The following WWOX variants were observed in gnomAD, a reference collection of about 807,000 sequenced individuals.
WWOX encodes the protein WW domain containing oxidoreductase.
WWOX carries 69 observed loss-of-function variants against 46.2 expected under a neutral mutation model. The ratio of observed to expected loss-of-function variants is 1.49; its 90% CI spans 1.23 to 1.82. The LOEUF (loss-of-function observed/expected upper bound fraction) is 1.82. WWOX is among the 40% of genes most tolerant of loss of function. WWOX has a pLI of 0.00. For missense variants in WWOX, 919 were observed against 542.6 expected, an observed-to-expected ratio of 1.69 and a Z score of -6.89; for synonymous variants, 359 against 202.6, an observed-to-expected ratio of 1.77 and a Z score of -6.56.
chr16:78,985,033 C>A (rs760079488), intron 8 of WWOX, among the ~76,000 whole-genome samples: 16 of 152,076 alleles, frequency 1.1e-4, no homozygotes, highest in Admixed American at 3.9e-4. Flanking sequence ...TTGCTGAGTC[C>A]CTTGCCCCCT....
At chr16:78,428,332 G>A (rs1398877944) in intron 7 of WWOX, among the ~76,000 whole-genome samples, 1 of 152,186 alleles carries the variant, frequency 6.6e-6, no homozygotes, top group African/African-American at 2.4e-5. Context: ...TTTTCAGGAA[G>A]CCGTTTCTGG....
chr16:78,978,062 C>T (rs975894701), intron 8 of WWOX, among the ~76,000 whole-genome samples: 1 of 152,234 alleles, frequency 6.6e-6, no homozygotes, highest in Non-Finnish European at 1.5e-5. Flanking sequence ...CCCTACCATT[C>T]TACCTTCTGT....
chr16:79,156,927 A>G (rs916535056), intron 8 of WWOX, among the ~76,000 whole-genome samples: 2 of 152,204 alleles, frequency 1.3e-5, no homozygotes, highest in African/African-American at 4.8e-5. Context: ...TAGATTTACA[A>G]TATGTGAATT....
At chr16:78,499,550 A>G (rs1455028945) in intron 8 of WWOX, among the ~76,000 whole-genome samples, 1 of 152,218 alleles carries the variant, frequency 6.6e-6, no homozygotes, top group Non-Finnish European at 1.5e-5. Context: ...TTGAGTCCAC[A>G]ATGCCGGGCG....
intron 8 of WWOX, among the ~76,000 whole-genome samples, chr16:78,509,437 T>TC (rs1555551732): frequency 1.8e-5 from 1 of 56,212 alleles, no homozygotes; most frequent in Non-Finnish European, 6.0e-5. Context: ...AGACTCAGTC[T>TC]CAAAAAAAAA....
intron 8 of WWOX, among the ~76,000 whole-genome samples, chr16:78,736,487 C>T (rs62036144): frequency 0.15 from 22,742 of 152,196 alleles, 2,074 homozygotes; most frequent in African/African-American, 0.25. Context: ...GTTGGTGTCT[C>T]AAAGTCTCAC....
chr16:79,093,122 A>C lies in WWOX; in HGVS notation c.1057-118486A>C, dbSNP rs187803299. On this transcript the variant is annotated intron_variant, in intron 8 of 8. Coordinates refer to ENST00000566780, the MANE Select transcript of WWOX (RefSeq NM_016373.4). ...CTGTGGTACAGCCATTTCATAGACA[A>C]GTCTACATCAATGAAAAGAATGACA... 5.9e-5 allele frequency among the ~76,000 whole-genome samples: 9 copies of C among 152,340 alleles called. No homozygotes were observed. In the East Asian group the frequency reaches 1.7e-3, roughly 29 times the overall value.
At chr16:78,792,805 T>C (rs771552703) in intron 8 of WWOX, among the ~76,000 whole-genome samples, 5 of 152,036 alleles carry the variant, frequency 3.3e-5, no homozygotes, top group Non-Finnish European at 7.4e-5. Context: ...CTCACCAAGA[T>C]TGCCAGCAGG....
rs563573093 is a variant in WWOX at position 79,017,740 on chromosome 16, A to G, written c.1057-193868A>G. On this transcript the variant is annotated intron_variant, in intron 8 of 8. Coordinates refer to ENST00000566780, the MANE Select transcript of WWOX (RefSeq NM_016373.4). ...TTCATAAAACCAGTCTAAAAAAGCC[A>G]TGGGTTATTTTGTCATGGCACGTTT... 1.8e-4 allele frequency among the ~76,000 whole-genome samples: 28 copies of G among 152,078 alleles called. 1 individual carries two copies. The highest frequency in any genetic ancestry group is 5.3e-4 in the African/African-American group (22 of 41,486).
chr16:78,661,928 G>C (rs1438991198), intron 8 of WWOX, among the ~76,000 whole-genome samples: 1 of 152,138 alleles, frequency 6.6e-6, no homozygotes, highest in Non-Finnish European at 1.5e-5. Context: ...TCTGTGGTCT[G>C]AGCTACTCAG....
chr16:78,823,459 G>C (rs1597672867), intron 8 of WWOX, among the ~76,000 whole-genome samples: 1 of 152,186 alleles, frequency 6.6e-6, no homozygotes, highest in East Asian at 1.9e-4. Flanking sequence ...ATCATCACCT[G>C]AATGTTCACC....
intron 5 of WWOX, among the ~76,000 whole-genome samples, chr16:78,166,011 C>T (rs984845502): frequency 4.0e-5 from 6 of 151,892 alleles, no homozygotes; most frequent in Non-Finnish European, 7.4e-5. Context: ...AATGGGAATA[C>T]GTGCATCTTA....
intron 5 of WWOX, among the ~76,000 whole-genome samples, chr16:78,294,168 T>A (rs1202852774): frequency 6.6e-6 from 1 of 152,014 alleles, no homozygotes; most frequent in Non-Finnish European, 1.5e-5. Context: ...GTTGCTCAGA[T>A]AGAGCCATAA....
chr16:78,702,124 T>TATATATATATATATATATA lies in WWOX; in HGVS notation c.1056+269372_1056+269373insATATATATATATATATATA, dbSNP rs777394763. Reference sequence around the variant, plus strand: ...GTTATATATATATATATATATATATTTATTTATTTTCAAGACATGGTGGCA... The same window carrying TATATATATATATATATATA: ...GTTATATATATATATATATATATATTATATATATATATATATATATATTTATTTTCAAGACATGGTGGCA... On this transcript the variant is annotated intron_variant, in intron 8 of 8. Transcript: ENST00000566780. Among the ~76,000 whole-genome samples, 69 of 105,512 alleles carry TATATATATATATATATATA rather than the reference T, an allele frequency of 6.5e-4. 1 individual carries two copies. The highest frequency in any genetic ancestry group is 2.8e-3 in the African/African-American group (57 of 20,236). The allele number at this position is 105,512 out of a possible 152,430, so 69.2% of individuals were successfully genotyped here.
chr16:78,715,608 T>C (rs1177255638), intron 8 of WWOX, among the ~76,000 whole-genome samples: 1 of 152,046 alleles, frequency 6.6e-6, no homozygotes, highest in Non-Finnish European at 1.5e-5. Flanking sequence ...CTCAGCCGAG[T>C]AGCTGGGATT....
At chr16:78,222,116 C>T (rs2151798728) in intron 5 of WWOX, among the ~76,000 whole-genome samples, 1 of 152,240 alleles carries the variant, frequency 6.6e-6, no homozygotes, top group Non-Finnish European at 1.5e-5. Flanking sequence ...TGAAAACCAC[C>T]AGAACCTATT....
chr16:78,471,013 G>C (rs1227767012), intron 8 of WWOX, among the ~76,000 whole-genome samples: 2 of 152,160 alleles, frequency 1.3e-5, no homozygotes, highest in African/African-American at 4.8e-5. Flanking sequence ...AATACCTTTT[G>C]CTTTCTATAA....
At chr16:78,446,436 G>C (rs1009981168) in intron 8 of WWOX, among the ~76,000 whole-genome samples, 2 of 152,082 alleles carry the variant, frequency 1.3e-5, no homozygotes, top group Non-Finnish European at 2.9e-5. Context: ...GTTGTTGCAA[G>C]GACTAAAATC....
intron 8 of WWOX, among the ~76,000 whole-genome samples, chr16:78,834,437 C>T (rs2051919264): frequency 6.6e-6 from 1 of 152,092 alleles, no homozygotes; most frequent in South Asian, 2.1e-4. Context: ...CCCTCAGCTC[C>T]TAAGTAAACC....
Sources: gnomAD v4.1 joint callset for allele counts (sites outside exome capture counted in the v4.1 genomes callset) on GRCh38, gnomAD v4.1.1 for gene constraint, MANE v1.5 for transcripts, NCBI Gene and HGNC (gene_info 2026-07-23, HGNC 2026-07-21) for gene names.